RIN2: variants seen among roughly 807,000 people sequenced by gnomAD.
RIN2 encodes the protein Ras and Rab interactor 2.
A neutral mutation model predicts 78.0 loss-of-function variants in RIN2; 36 were observed. The ratio of observed to expected loss-of-function variants is 0.46; its 90% CI spans 0.35 to 0.61. The LOEUF (loss-of-function observed/expected upper bound fraction) is 0.61. Among genes scored for constraint, RIN2 ranks in the 20% least tolerant of loss-of-function variants. The probability of loss-of-function intolerance (pLI) is 0.00; values close to 1 mark genes in which losing one functional copy is unlikely to be tolerated. For synonymous variants in RIN2, 466 were observed against 466.8 expected (o/e 1.00, Z 0.02); for missense variants, 1,087 against 1,159.7 (o/e 0.94, Z 0.91).
chr20:19,772,407 A>G (rs1210808274), intron 1 of RIN2, among the ~76,000 whole-genome samples: 3 of 152,134 alleles, frequency 2.0e-5, no homozygotes, highest in African/African-American at 7.2e-5. Flanking sequence ...CCTGTTTTCA[A>G]ATCCAGTGGT....
chr20:19,838,148 G>A (rs1434537144), intron 2 of RIN2, among the ~76,000 whole-genome samples: 1 of 152,064 alleles, frequency 6.6e-6, no homozygotes, highest in African/African-American at 2.4e-5. Flanking sequence ...AGTAACTTTT[G>A]CTAGTTACAT....
rs112579378 is a variant in RIN2 at position 19,903,199 on chromosome 20, G to A, written c.57+13541G>A. 4.8e-3 allele frequency among the ~76,000 whole-genome samples: 735 copies of A among 152,260 alleles called. 3 individuals carry two copies. Among genetic ancestry groups the A allele is most frequent in the African/African-American group, 0.017 (707 of 41,542 alleles). On this transcript the variant is annotated intron_variant, in intron 3 of 12. Coordinates refer to ENST00000255006, the MANE Select transcript of RIN2 (RefSeq NM_018993.4). ...GGCTAAGATGTTGTCAGGAAGTGAG[G>A]GTAATTTGTTGCTAGGGGTAGCTTG...
At chr20:19,888,457 C>T (rs1212394914) in intron 2 of RIN2, among the ~76,000 whole-genome samples, 6 of 152,222 alleles carry the variant, frequency 3.9e-5, no homozygotes, top group Non-Finnish European at 5.9e-5. Flanking sequence ...CTCTCTGCCA[C>T]TCAGCTAATA....
rs146496908 is a variant in RIN2 at position 19,918,959 on chromosome 20, A to T, written c.58-16140A>T. Among the ~76,000 whole-genome samples, 217 of 152,330 alleles carry T rather than the reference A, an allele frequency of 1.4e-3. 1 individual carries two copies. Among genetic ancestry groups the T allele is most frequent in the Non-Finnish European group, 2.7e-3 (186 of 68,038 alleles). On this transcript the variant is annotated intron_variant, in intron 3 of 12. Coordinates refer to ENST00000255006, the MANE Select transcript of RIN2 (RefSeq NM_018993.4). Reference sequence around the variant, plus strand: ...GTGTGGGAGAACAAGGTTGATATTCACGGCAAATCTACTCAAGCTACTCTC... The same window carrying T: ...GTGTGGGAGAACAAGGTTGATATTCTCGGCAAATCTACTCAAGCTACTCTC...
chr20:19,817,010 A>G (rs1158018721), intron 2 of RIN2, among the ~76,000 whole-genome samples: 1 of 150,282 alleles, frequency 6.7e-6, no homozygotes, highest in African/African-American at 2.5e-5. Context: ...AGACATAGTC[A>G]TATAGAGAAT....
chr20:19,784,462 C>G (rs912914603), intron 1 of RIN2, among the ~76,000 whole-genome samples: 5 of 152,068 alleles, frequency 3.3e-5, no homozygotes, highest in Admixed American at 1.3e-4. Context: ...TGTTTTAGCA[C>G]AGTAAATGGC....
At chr20:19,848,320 G>A (rs1332965760) in intron 2 of RIN2, among the ~76,000 whole-genome samples, 1 of 151,872 alleles carries the variant, frequency 6.6e-6, no homozygotes, top group Admixed American at 6.6e-5. Flanking sequence ...GGATCATGAG[G>A]TCAGGAGATC....
intron 2 of RIN2, among the ~76,000 whole-genome samples, chr20:19,885,160 A>G (rs2038140948): frequency 6.6e-6 from 1 of 152,198 alleles, no homozygotes; most frequent in Non-Finnish European, 1.5e-5. Flanking sequence ...GGAATCCAAT[A>G]TAATTGCTTT....
intron 1 of RIN2, among the ~76,000 whole-genome samples, chr20:19,769,829 G>A (rs932031045): frequency 2.0e-5 from 3 of 152,148 alleles, no homozygotes; most frequent in African/African-American, 7.2e-5. Context: ...AATTTGAACT[G>A]CTGATATAAG....
At chr20:19,806,024 C>T (rs1312242361) in intron 2 of RIN2, among the ~76,000 whole-genome samples, 2 of 152,158 alleles carry the variant, frequency 1.3e-5, no homozygotes, top group African/African-American at 4.8e-5. Flanking sequence ...CATCTTCATC[C>T]ATGTCCCTGC....
intron 1 of RIN2, among the ~76,000 whole-genome samples, chr20:19,782,643 C>A (rs2034548108): frequency 6.6e-6 from 1 of 152,028 alleles, no homozygotes; most frequent in Admixed American, 6.5e-5. Flanking sequence ...AACTGATGTC[C>A]CCAAGAATTG....
At chr20:19,802,574 G>A (rs566734284) in intron 2 of RIN2, among the ~76,000 whole-genome samples, 6 of 151,960 alleles carry the variant, frequency 3.9e-5, no homozygotes, top group African/African-American at 1.4e-4. Flanking sequence ...CTGTGTTATA[G>A]AAAGGCAGGC....
intron 4 of RIN2, among the ~76,000 whole-genome samples, chr20:19,952,784 T>C (rs2041372211): frequency 6.6e-6 from 1 of 152,240 alleles, no homozygotes; most frequent in African/African-American, 2.4e-5. Flanking sequence ...ATGGCAGTGA[T>C]AAAATATTTA....
At chr20:19,789,322 A>C (rs1256867246) in intron 1 of RIN2, among the ~76,000 whole-genome samples, 1 of 152,240 alleles carries the variant, frequency 6.6e-6, no homozygotes, top group East Asian at 1.9e-4. Flanking sequence ...TTCTAGAAAA[A>C]ATACAAGAGA....
chr20:19,811,652 G>A (rs1385415930), intron 2 of RIN2, among the ~76,000 whole-genome samples: 4 of 152,130 alleles, frequency 2.6e-5, no homozygotes, highest in Admixed American at 6.6e-5. Flanking sequence ...AAGGTCTTTG[G>A]TCTGAATGGA....
chr20:19,983,844 T>C (rs1379978214), intron 9 of RIN2, among the ~76,000 whole-genome samples: 1 of 151,872 alleles, frequency 6.6e-6, no homozygotes, highest in Non-Finnish European at 1.5e-5. Flanking sequence ...AACCTCATGT[T>C]GTATCTTTGT....
At chr20:19,993,509 C>T (rs1282941075) in intron 11 of RIN2, among the ~76,000 whole-genome samples, 1 of 152,156 alleles carries the variant, frequency 6.6e-6, no homozygotes, top group Non-Finnish European at 1.5e-5. Context: ...GCCCTTCCCA[C>T]GTGACCATGG....
chr20:19,802,348 G>A (rs1437255605), intron 2 of RIN2, among the ~76,000 whole-genome samples: 1 of 152,066 alleles, frequency 6.6e-6, no homozygotes, highest in Non-Finnish European at 1.5e-5. Context: ...TACCAGGTAT[G>A]GCCAGGCCAG....
intron 3 of RIN2, among the ~76,000 whole-genome samples, chr20:19,914,485 G>A (rs1223579332): frequency 1.3e-5 from 2 of 152,180 alleles, no homozygotes; most frequent in Admixed American, 6.5e-5. Context: ...TTAAACAGTT[G>A]CTGCTCTCGT....
Sources: gnomAD v4.1 joint callset for allele counts (sites outside exome capture counted in the v4.1 genomes callset) on GRCh38, gnomAD v4.1.1 for gene constraint, MANE v1.5 for transcripts, NCBI Gene and HGNC (gene_info 2026-07-23, HGNC 2026-07-21) for gene names.